MFSD11: variants seen among roughly 807,000 people sequenced by gnomAD.
MFSD11 encodes UNC93-like protein MFSD11.
MFSD11 carries 36 observed loss-of-function variants against 53.5 expected under a neutral mutation model. The ratio of observed to expected loss-of-function variants is 0.67; its 90% CI spans 0.52 to 0.89. The LOEUF is 0.89. Ranked by LOEUF, MFSD11 falls within the 40% of genes least tolerant of loss-of-function variation. The pLI is 0.00. For missense variants in MFSD11, 530 were observed against 543.9 expected (o/e 0.97, Z 0.25); for synonymous variants, 186 against 184.9 (o/e 1.01, Z -0.05).
chr17:76,795,319 C>CAA, the MFSD11 span, among the ~76,000 whole-genome samples: 7,536 of 116,124 alleles, frequency 0.065, 296 homozygotes, highest in East Asian at 0.15. Flanking sequence ...CTGTTTCTAC[C>CAA]AAAAAAAAAA....
At chr17:76,766,418 CAAAA>C (rs1178883099) in intron 8 of MFSD11, among the ~76,000 whole-genome samples, 2 of 58,476 alleles carry the variant, frequency 3.4e-5, no homozygotes, top group Admixed American at 1.9e-4. Context: ...GACTCTGTCT[CAAAA>C]AAAAAAAAAA....
At chr17:76,758,850 C>A (rs1356832437) in intron 8 of MFSD11, among the ~76,000 whole-genome samples, 3 of 152,108 alleles carry the variant, frequency 2.0e-5, no homozygotes, top group East Asian at 1.9e-4. Context: ...CCCTACCCCC[C>A]ACACACAGTT....
At chr17:76,774,940 C>G (rs2081677461) in intron 10 of MFSD11, 57 bp from the exon 11 acceptor site, 3 of 1,557,334 alleles carry the variant, frequency 1.9e-6, no homozygotes, top group Non-Finnish European at 2.6e-6. Flanking sequence ...GTAACTCAGG[C>G]CTGGGTATGT....
In MFSD11 at chr17:76,778,483, T is replaced by C; in HGVS notation, c.*131T>C. On this transcript the variant is annotated 3_prime_UTR_variant, in exon 13 of 13. Coordinates refer to ENST00000685175, the MANE Select transcript of MFSD11 (RefSeq NM_001242532.5). The stretch of plus-strand genomic sequence containing the variant: ...GTATGGAAAATCAAGGGATTAAGAC[T>C]GTTAAATCAGCCAGAGTTGGTGTTC... The C allele has an allele frequency of 1.2e-6, 1 of 866,144 alleles. No homozygotes were observed. The highest frequency in any genetic ancestry group is 2.5e-5 in the East Asian group (1 of 40,362). The allele number at this position is 866,144 out of a possible 1,614,324, so 53.7% of individuals were successfully genotyped here.
At chr17:76,780,517 G>GTTT (rs80157532), downstream of MFSD11, among the ~76,000 whole-genome samples, 5 of 134,510 alleles carry the variant, frequency 3.7e-5, no homozygotes, top group Admixed American at 3.8e-4. Flanking sequence ...TTGTGTATGT[G>GTTT]TTTTTTTTTT....
At chr17:76,764,044 T>G (rs2080552276) in intron 8 of MFSD11, among the ~76,000 whole-genome samples, 1 of 151,976 alleles carries the variant, frequency 6.6e-6, no homozygotes, top group Non-Finnish European at 1.5e-5. Flanking sequence ...TTTGTATTTT[T>G]AATAGAGATG....
chr17:76,786,068 C>G (rs867623525), downstream of MFSD11, among the ~76,000 whole-genome samples: 1 of 124,062 alleles, frequency 8.1e-6, no homozygotes, highest in Middle Eastern at 3.7e-3. Context: ...GAGCAAGACT[C>G]CATCTCAAAA....
the MFSD11 span, among the ~76,000 whole-genome samples, chr17:76,798,612 A>T: frequency 5.9e-5 from 9 of 152,308 alleles, no homozygotes; most frequent in South Asian, 6.2e-4. Context: ...GTTCTGTGCC[A>T]CTGAGGACAA....
chr17:76,779,616 C>T (rs1568125014), downstream of MFSD11, among the ~76,000 whole-genome samples: 1 of 152,152 alleles, frequency 6.6e-6, no homozygotes, highest in Non-Finnish European at 1.5e-5. Flanking sequence ...TCCCAACTAG[C>T]TAGGATTACA....
At chr17:76,770,163 G>A (rs1165316174) in intron 10 of MFSD11, among the ~76,000 whole-genome samples, 3 of 150,444 alleles carry the variant, frequency 2.0e-5, no homozygotes, top group African/African-American at 4.9e-5. Context: ...TCAGCCTCCC[G>A]AGTAGCTGGG....
In MFSD11 at chr17:76,744,424, G is replaced by A; in HGVS notation, c.599G>A (p.Gly200Glu). The A allele has an allele frequency of 1.2e-6, 2 of 1,613,950 alleles. No individual in the cohort carries two copies. The highest frequency in any genetic ancestry group is 2.2e-5 in the East Asian group (1 of 44,878). The change falls in exon 7 of 13, where the codon GGA (glycine) becomes GAA (glutamate). Residue 200 changes from glycine to glutamate, a missense_variant. Gly to Glu is a moderately conservative substitution (Grantham distance 98). Transcript: ENST00000685175. ...AAACCAGATTCTGAAAATGTCCTAGGAGAAGATGAGTCTTCTGATGACCAG... is the reference window on the plus strand; with the variant it reads ...AAACCAGATTCTGAAAATGTCCTAGAAGAAGATGAGTCTTCTGATGACCAG... ...IRKPDSENVL[G>E]EDESSDDQDM... is the part of the protein sequence containing the mutation.
At chr17:76,801,814 T>C in the MFSD11 span, among the ~76,000 whole-genome samples, 1 of 152,142 alleles carries the variant, frequency 6.6e-6, no homozygotes, top group African/African-American at 2.4e-5. Flanking sequence ...TTCTGTTTTA[T>C]CAGCAGGGTC....
intron 7 of MFSD11, among the ~76,000 whole-genome samples, chr17:76,746,962 G>A (rs912931908): frequency 6.6e-6 from 1 of 151,618 alleles, no homozygotes; most frequent in Non-Finnish European, 1.5e-5. Context: ...AGGCTGGAGT[G>A]CAGTGGCGGG....
downstream of MFSD11, among the ~76,000 whole-genome samples, chr17:76,782,259 T>C (rs1240701042): frequency 6.6e-6 from 1 of 152,000 alleles, no homozygotes; most frequent in Non-Finnish European, 1.5e-5. Flanking sequence ...CACTGCAACC[T>C]CTGCCTCCTG....
intron 7 of MFSD11, among the ~76,000 whole-genome samples, chr17:76,747,515 AG>A (rs1392637067): frequency 1.3e-5 from 2 of 151,872 alleles, no homozygotes; most frequent in African/African-American, 4.8e-5. Flanking sequence ...TTGTATTTTT[AG>A]TAGAGACGGG....
upstream of MFSD11, chr17:76,736,863 G>C: frequency 6.2e-7 from 1 of 1,609,862 alleles, no homozygotes; most frequent in Non-Finnish European, 8.5e-7. Context: ...CGGCGGCTGT[G>C]GTGTGAGTCC....
In MFSD11 at chr17:76,776,819, T is replaced by G. The variant is rs548329581; in HGVS notation, c.1185+278T>G. Among the ~76,000 whole-genome samples the G allele has an allele frequency of 3.9e-5, 6 of 152,084 alleles. No individual in the cohort carries two copies. In the South Asian group the frequency reaches 8.3e-4, roughly 21 times the overall value. On this transcript the variant is annotated intron_variant, in intron 12 of 12. Coordinates refer to ENST00000685175, the MANE Select transcript of MFSD11 (RefSeq NM_001242532.5). The surrounding 1 kb of genome is among the most constrained non-coding windows in gnomAD (Gnocchi z 4.2). ...CCATGCCTGGCTAATTTTTGTATTT[T>G]TTTTTTCTTTTTAGCAGAGGCAGGG... is the stretch of plus-strand genomic sequence containing the variant.
intron 8 of MFSD11, among the ~76,000 whole-genome samples, chr17:76,757,759 C>G (rs1375858958): frequency 2.0e-5 from 3 of 152,038 alleles, no homozygotes; most frequent in Admixed American, 6.6e-5. Flanking sequence ...GCCTGTAATC[C>G]CAGTACTTTG....
chr17:76,743,640 G>T (rs1302946145), intron 6 of MFSD11, among the ~76,000 whole-genome samples, 184 bp downstream of exon 6: 2 of 152,082 alleles, frequency 1.3e-5, no homozygotes. Context: ...TTTTGAGATG[G>T]AGTTTCACTC....
Sources: allele counts gnomAD v4.1 joint callset (sites outside exome capture counted in the v4.1 genomes callset), GRCh38; gene constraint gnomAD v4.1.1; non-coding constraint Gnocchi (gnomAD v3.1); transcripts MANE v1.5; gene names NCBI Gene and HGNC (gene_info 2026-07-23, HGNC 2026-07-21).